TUBGCP3: variants seen among roughly 807,000 people sequenced by gnomAD.
TUBGCP3 encodes the protein gamma-tubulin complex component 3.
TUBGCP3 carries 50 observed loss-of-function variants against 123.1 expected under a neutral mutation model. The ratio of observed to expected loss-of-function variants is 0.41; its 90% CI spans 0.32 to 0.51. The LOEUF (loss-of-function observed/expected upper bound fraction) is 0.51, where lower values mean the gene tolerates loss of function less well. Ranked by LOEUF, TUBGCP3 falls within the 20% of genes least tolerant of loss-of-function variation. The pLI is 0.36. For synonymous variants in TUBGCP3, 405 were observed against 413.9 expected (o/e 0.98, Z 0.26); for missense variants, 882 against 1,127.0 (o/e 0.78, Z 3.11).
In TUBGCP3 at chr13:112,527,064, C is replaced by T. The variant is rs746368924; in HGVS notation, c.1447-14G>A. On this transcript the variant is annotated splice_polypyrimidine_tract_variant and intron_variant, in intron 12 of 21. Transcript: ENST00000261965. The stretch of plus-strand genomic sequence containing the variant: ...TATCAAAAGGACCTAAAAAGAAAAA[C>T]ATTCTATGATTACTTTTATGTAAAT... The T allele has an allele frequency of 3.2e-6, 5 of 1,574,582 alleles. No homozygotes were observed. The South Asian group carries it at 4.4e-5, about 14-fold the overall frequency.
At chr13:112,542,247 C>T (rs1188516050) in intron 11 of TUBGCP3, among the ~76,000 whole-genome samples, 1 of 152,168 alleles carries the variant, frequency 6.6e-6, no homozygotes. Context: ...TTTTTAAACT[C>T]AAATAACTTG....
At position 112,489,926 on chromosome 13, in the gene TUBGCP3, T is replaced by C. The variant is rs556646929; in HGVS notation, c.2449-229A>G. 1.3e-3 allele frequency: 726 copies of C among 550,746 alleles called. 1 individual carries two copies. The highest frequency in any genetic ancestry group is 2.1e-3 in the Admixed American group (64 of 31,110). 34.1% of individuals were successfully genotyped at this position (550,746 alleles called of 1,614,324 possible). On this transcript the variant is annotated intron_variant, in intron 20 of 21. Coordinates refer to ENST00000261965, the MANE Select transcript of TUBGCP3 (RefSeq NM_006322.6). ...TCATATGAACACATTTGAGACTGCC[T>C]CTGTTGTTTTTAATATCACATTGTA...
chr13:112,544,176 G>A (rs531504526), intron 11 of TUBGCP3, among the ~76,000 whole-genome samples: 4 of 151,892 alleles, frequency 2.6e-5, no homozygotes, highest in South Asian at 2.1e-4. Flanking sequence ...CCCACAGGCC[G>A]GGCGCAGTGG....
At chr13:112,491,048 CCT>C (rs1221788214) in intron 20 of TUBGCP3, among the ~76,000 whole-genome samples, 2 of 152,184 alleles carry the variant, frequency 1.3e-5, no homozygotes, top group Non-Finnish European at 1.5e-5. Context: ...CCTCCCGCTA[CCT>C]CTCAGATTCA....
At position 112,587,976 on chromosome 13, in the gene TUBGCP3, G is replaced by A. The variant is rs1443139553; in HGVS notation, c.5C>T (p.Ala2Val). 6.3e-7 allele frequency: 1 copy of A among 1,580,228 alleles called. No homozygotes were observed. The highest frequency in any genetic ancestry group is 8.6e-7 in the Non-Finnish European group (1 of 1,165,478). The change falls in exon 1 of 22, where the codon GCG (alanine) becomes GTG (valine). Residue 2 changes from alanine to valine, a missense_variant. By Grantham distance (64) the Ala-to-Val change is moderately conservative. This residue lies in a region of TUBGCP3 where 713 missense variants were observed against 874.0 expected (regional missense o/e 0.82). Transcript: ENST00000261965. Reference sequence around the variant, plus strand: ...GTTCGGCGACTTCTGGTCCGGGGTCGCCATCCTCGCCCGGAGCCGTGCACG... The same window carrying A: ...GTTCGGCGACTTCTGGTCCGGGGTCACCATCCTCGCCCGGAGCCGTGCACG... The part of the protein sequence containing the change: M[A>V]TPDQKSPNVL...
chr13:112,524,484 GA>G lies in TUBGCP3; in HGVS notation c.1556-1976del, dbSNP rs1212376542. Among the ~76,000 whole-genome samples, 1 of 152,198 alleles carries G rather than the reference GA, an allele frequency of 6.6e-6. No homozygotes were observed. Among genetic ancestry groups the G allele is most frequent in the Non-Finnish European group, 1.5e-5 (1 of 68,044 alleles). ...CCCATGTGTGCGCCGCCTTCTCTAG[GA>G]ACTATGAAAGGTCACAACTCGAACA... On this transcript the variant is annotated intron_variant, in intron 13 of 21. Coordinates refer to ENST00000261965, the MANE Select transcript of TUBGCP3 (RefSeq NM_006322.6). This position sits in a 1 kb window ranked among gnomAD's most constrained non-coding sequence, Gnocchi z 4.4.
At chr13:112,530,787 C>T (rs1178628356) in intron 11 of TUBGCP3, among the ~76,000 whole-genome samples, 1 of 152,012 alleles carries the variant, frequency 6.6e-6, no homozygotes, top group East Asian at 1.9e-4. Context: ...CAATATACTA[C>T]GCATACGATA....
intron 11 of TUBGCP3, among the ~76,000 whole-genome samples, chr13:112,536,968 G>A (rs984458804): frequency 6.6e-6 from 1 of 151,890 alleles, no homozygotes; most frequent in Non-Finnish European, 1.5e-5. Context: ...AGAGAGGAAG[G>A]TCTTGCTATG....
chr13:112,554,205 G>T, intron 7 of TUBGCP3, 23 bp from the exon 8 acceptor site: 1 of 1,611,060 alleles, frequency 6.2e-7, no homozygotes, highest in Non-Finnish European at 8.5e-7. Flanking sequence ...TACATCAAAT[G>T]TTAAACATTA....
the TUBGCP3 span, among the ~76,000 whole-genome samples, chr13:112,601,703 C>G: frequency 2.0e-5 from 3 of 152,174 alleles, no homozygotes; most frequent in Non-Finnish European, 4.4e-5. Flanking sequence ...TCCGTGTCCC[C>G]CCTTTTCAGG....
chr13:112,517,246 G>C (rs900165498), intron 16 of TUBGCP3, among the ~76,000 whole-genome samples: 3 of 152,022 alleles, frequency 2.0e-5, no homozygotes, highest in Non-Finnish European at 2.9e-5. Context: ...TCGAACTCCT[G>C]GCCTCGAGTG....
intron 9 of TUBGCP3, 112 bp from the exon 10 acceptor site, chr13:112,547,864 CA>C: frequency 2.4e-6 from 3 of 1,252,394 alleles, no homozygotes; most frequent in Non-Finnish European, 3.1e-6. Flanking sequence ...AAAATGAAGC[CA>C]AAGTCCCCTT....
chr13:112,576,932 G>T (rs1332367274), intron 1 of TUBGCP3, among the ~76,000 whole-genome samples: 1 of 135,354 alleles, frequency 7.4e-6, no homozygotes, highest in African/African-American at 2.7e-5. Context: ...AACCCCAGCA[G>T]TCAATGAAAT....
At chr13:112,582,417 TATGACAGCTC>T (rs1399236853) in intron 1 of TUBGCP3, among the ~76,000 whole-genome samples, 3 of 152,202 alleles carry the variant, frequency 2.0e-5, no homozygotes, top group African/African-American at 7.2e-5. Context: ...ATGAGGGCAC[TATGACAGCTC>T]ATGACCAGGA....
At chr13:112,521,578 A>G in intron 14 of TUBGCP3, 2 of 770,498 alleles carry the variant, frequency 2.6e-6, no homozygotes, top group Non-Finnish European at 3.2e-6. Flanking sequence ...TGAGGACCTG[A>G]GGCCTAAAAC....
chr13:112,485,882 G>A lies in TUBGCP3; in HGVS notation c.*111C>T, dbSNP rs182262883. On this transcript the variant is annotated 3_prime_UTR_variant, in exon 22 of 22. Transcript: ENST00000261965. ...CCGCTGAAACATGGCGCACTCGTGGGCGGAAGGGCAGGACACCTGCAGCAT... is the reference window on the plus strand; with the variant it reads ...CCGCTGAAACATGGCGCACTCGTGGACGGAAGGGCAGGACACCTGCAGCAT... 529 of 910,498 alleles carry A rather than the reference G, an allele frequency of 5.8e-4. 5 individuals carry two copies. Among genetic ancestry groups the A allele is most frequent in the Admixed American group, 2.6e-3 (90 of 33,970 alleles). The allele number at this position is 910,498 out of a possible 1,614,324, so 56.4% of individuals were successfully genotyped here.
intron 17 of TUBGCP3, among the ~76,000 whole-genome samples, chr13:112,514,046 T>C (rs1426511106): frequency 1.3e-5 from 2 of 152,176 alleles, no homozygotes; most frequent in Non-Finnish European, 2.9e-5. Context: ...GTCTCAGTTA[T>C]CAGGTCAACA....
chr13:112,504,757 CT>C, intron 17 of TUBGCP3, 43 bp from the exon 18 acceptor site: 1 of 1,509,388 alleles, frequency 6.6e-7, no homozygotes, highest in Non-Finnish European at 9.2e-7. Context: ...TGCAAGTACA[CT>C]TACCGACAAC....
chr13:112,568,621 G>T (rs1368659242), intron 2 of TUBGCP3, among the ~76,000 whole-genome samples: 1 of 152,270 alleles, frequency 6.6e-6, no homozygotes, highest in Non-Finnish European at 1.5e-5. Flanking sequence ...CACTTGGACA[G>T]TTTAACGGGG....
Sources: allele counts gnomAD v4.1 joint callset (sites outside exome capture counted in the v4.1 genomes callset), GRCh38; gene constraint gnomAD v4.1.1; regional missense constraint gnomAD v4.1.1; non-coding constraint Gnocchi (gnomAD v3.1); transcripts MANE v1.5; gene names NCBI Gene and HGNC (gene_info 2026-07-23, HGNC 2026-07-21).